Variants in AHNAK observed in about 807,000 individuals in gnomAD.
AHNAK encodes the protein AHNAK nucleoprotein, also known as neuroblast differentiation-associated protein AHNAK.
A neutral mutation model predicts 37.8 loss-of-function variants in AHNAK; 23 were observed. That is an observed-to-expected ratio of 0.61 (90% CI 0.44 to 0.86). AHNAK has a LOEUF of 0.86. AHNAK is among the 40% of genes least tolerant of loss of function. The pLI is 0.00. For synonymous variants in AHNAK, 2,481 were observed against 2,636.3 expected (o/e 0.94, Z 1.80); for missense variants, 7,411 against 7,319.4 (o/e 1.01, Z -0.46).
intron 1 of AHNAK, among the ~76,000 whole-genome samples, chr11:62,546,429 G>A (rs957039922): frequency 1.3e-5 from 2 of 152,252 alleles, no homozygotes; most frequent in African/African-American, 4.8e-5. Context: ...AAGCACTTCG[G>A]AGCGATTTTC....
chr11:62,486,469 G>A (rs935553107), intron 5 of AHNAK, among the ~76,000 whole-genome samples: 4 of 141,012 alleles, frequency 2.8e-5, no homozygotes, highest in East Asian at 2.1e-4. Context: ...GCTAAACTCC[G>A]AAACTCTGTC....
chr11:62,496,730 A>G (rs11231119), intron 4 of AHNAK, among the ~76,000 whole-genome samples: 22,636 of 151,788 alleles, frequency 0.15, 4,137 homozygotes, highest in African/African-American at 0.44. Context: ...GGGAGGCGGC[A>G]GTTGCAGTGA....
At chr11:62,475,198 G>A (rs1453072083) in intron 5 of AHNAK, among the ~76,000 whole-genome samples, 2 of 152,142 alleles carry the variant, frequency 1.3e-5, no homozygotes, top group African/African-American at 2.4e-5. Flanking sequence ...AGCTACTCAG[G>A]AGGCTGAAAC....
downstream of AHNAK, among the ~76,000 whole-genome samples, chr11:62,512,524 G>A (rs114730024): frequency 5.9e-3 from 905 of 152,220 alleles, 9 homozygotes; most frequent in African/African-American, 0.021. This position sits in a 1 kb window ranked among gnomAD's most constrained non-coding sequence, Gnocchi z 4.0. Flanking sequence ...CTCTTTATTA[G>A]GTCTCTCTGA....
chr11:62,473,629 GAGCCAAGTTTGTGTCACTGCACTCC>G, intron 5 of AHNAK, among the ~76,000 whole-genome samples: 1 of 151,800 alleles, frequency 6.6e-6, no homozygotes, highest in African/African-American at 2.4e-5. Flanking sequence ...AGCTTGCAGT[GAGCCAAGTTTGTGTCACTGCACTCC>G]AGCCTGGGCG....
At chr11:62,501,515 C>T (rs1939710894) in intron 4 of AHNAK, among the ~76,000 whole-genome samples, 1 of 152,128 alleles carries the variant, frequency 6.6e-6, no homozygotes, top group Non-Finnish European at 1.5e-5. Context: ...TGCAGTGAGC[C>T]GAGATCGCGC....
downstream of AHNAK, among the ~76,000 whole-genome samples, chr11:62,514,315 T>C (rs1055144997): frequency 6.6e-6 from 1 of 151,882 alleles, no homozygotes; most frequent in African/African-American, 2.4e-5. Context: ...GGCTTCAGAG[T>C]TGAGGAAGGA....
chr11:62,436,312 C>T (rs1017900335), intron 5 of AHNAK, among the ~76,000 whole-genome samples: 2 of 152,070 alleles, frequency 1.3e-5, no homozygotes, highest in South Asian at 2.1e-4. Context: ...TCTGATGCTC[C>T]GGGGGAGTAG....
intron 4 of AHNAK, among the ~76,000 whole-genome samples, chr11:62,497,753 G>A (rs1313164816): frequency 6.6e-6 from 1 of 152,168 alleles, no homozygotes; most frequent in African/African-American, 2.4e-5. Context: ...CTGAGGTGAG[G>A]AGTTCAAGAC....
intron 4 of AHNAK, among the ~76,000 whole-genome samples, chr11:62,508,434 C>T (rs1035625875): frequency 6.6e-6 from 1 of 152,148 alleles, no homozygotes; most frequent in East Asian, 1.9e-4. Context: ...GAGCTGAGAA[C>T]GCAGTGTGAG....
rs528468888 is a variant in AHNAK at position 62,468,309 on chromosome 11, T to C, written c.442+23423A>G. Among the ~76,000 whole-genome samples, 294 of 151,112 alleles carry C rather than the reference T, an allele frequency of 1.9e-3. 2 individuals are homozygous for C. Among genetic ancestry groups the C allele is most frequent in the Non-Finnish European group, 3.1e-3 (212 of 67,842 alleles). On this transcript the variant is annotated intron_variant, in intron 5 of 5. Coordinates refer to the AHNAK transcript ENST00000257247. ...GTTGCAGTGAGCTGAGATGGCCCCATTGCACTCCAGCCTGGGTGACAAAGC... is the reference window on the plus strand; with the variant it reads ...GTTGCAGTGAGCTGAGATGGCCCCACTGCACTCCAGCCTGGGTGACAAAGC...
downstream of AHNAK, among the ~76,000 whole-genome samples, chr11:62,512,250 G>C (rs1412830752): frequency 6.6e-6 from 1 of 152,180 alleles, no homozygotes; most frequent in Admixed American, 6.5e-5. This position sits in a 1 kb window ranked among gnomAD's most constrained non-coding sequence, Gnocchi z 4.0. Context: ...CAACACCTGG[G>C]CTCCCGTGCC....
In AHNAK at chr11:62,533,370, G is replaced by C. The variant is rs1372668112; in HGVS notation, c.1047C>G (p.Ile349Met). ...GHKGGKPGLT[I>M]QAPQLEVSVP... ...CACTGACTTCCAGCTGAGGGGCTTG[G>C]ATAGTCAAGCCTGGCTTGCCGCCCT... Residue 349 changes from isoleucine (I) to methionine (M), a missense_variant, in exon 5 of 5, where the codon ATC (isoleucine) becomes ATG (methionine). Physicochemically the swap from Ile to Met is conservative, Grantham distance 10. Coordinates refer to ENST00000378024, the MANE Select transcript of AHNAK (RefSeq NM_001620.3). 6.3e-7 allele frequency: 1 copy of C among 1,579,856 alleles called. No individual in the cohort carries two copies. The highest frequency in any genetic ancestry group is 1.3e-5 in the African/African-American group (1 of 74,294).
Position 62,522,702 on chromosome 11 carries a change from A to G in AHNAK, c.11715T>C (p.Pro3905=), listed in dbSNP as rs1466300961. Residue 3905 remains proline, a synonymous_variant, in exon 5 of 5, where the codon CCT becomes CCC. Transcript: ENST00000378024. The part of the protein sequence containing the change: ...LPKVEGDMQV[P]DLDIKGPKVD... ...CTTTGGGGCCTTTAATATCCAAGTCAGGAACTTGCATGTCACCTTCCACTT... is the reference window on the plus strand; with the variant it reads ...CTTTGGGGCCTTTAATATCCAAGTCGGGAACTTGCATGTCACCTTCCACTT... The G allele has an allele frequency of 6.2e-7, 1 of 1,612,832 alleles. No homozygotes were observed. Among genetic ancestry groups the G allele is most frequent in the Non-Finnish European group, 8.5e-7 (1 of 1,179,802 alleles).
Position 62,519,441 on chromosome 11 carries a change from C to T in AHNAK, c.14976G>A (p.Lys4992=), listed in dbSNP as rs758328204. The T allele has an allele frequency of 8.1e-6, 13 of 1,611,448 alleles. No individual in the cohort carries two copies. Among genetic ancestry groups the T allele is most frequent in the African/African-American group, 1.3e-5 (1 of 74,680 alleles). ...FGAKSPKADI[K]SPSLDVTVPE... ...GAACAGTGACATCCAGTGAAGGTGA[C>T]TTGATGTCAGCTTTGGGGCTTTTTG... is the stretch of plus-strand genomic sequence containing the variant. Residue 4992 remains lysine, a synonymous_variant, in exon 5 of 5, where the codon AAG becomes AAA. Coordinates refer to ENST00000378024, the MANE Select transcript of AHNAK (RefSeq NM_001620.3).
At chr11:62,435,835 A>C (rs189571138) in intron 5 of AHNAK, among the ~76,000 whole-genome samples, 2 of 152,216 alleles carry the variant, frequency 1.3e-5, no homozygotes, top group East Asian at 3.9e-4. Flanking sequence ...GGCTGGCCGC[A>C]CCCAGCCAGT....
At chr11:62,439,665 ATTT>A (rs34334316) in intron 5 of AHNAK, among the ~76,000 whole-genome samples, 6,348 of 83,034 alleles carry the variant, frequency 0.076, 351 homozygotes, top group African/African-American at 0.21. Context: ...TTTTTGTGTG[ATTT>A]TTTTTTTTTT....
chr11:62,511,452 C>T (rs764778418), downstream of AHNAK, among the ~76,000 whole-genome samples: 8 of 151,958 alleles, frequency 5.3e-5, no homozygotes, highest in African/African-American at 1.5e-4. Context: ...GACGGGGTAT[C>T]GCCATGTTGG....
Position 62,533,342 on chromosome 11 carries a change from G to A in AHNAK, c.1075C>T (p.Pro359Ser). Reference sequence around the variant, plus strand: ...TCAAGGCCCTCAATATTGGCAGAGGGCACACTGACTTCCAGCTGAGGGGCT... The same window carrying A: ...TCAAGGCCCTCAATATTGGCAGAGGACACACTGACTTCCAGCTGAGGGGCT... ...IQAPQLEVSVPSANIEGLEGK... is the reference protein window; with the variant it reads ...IQAPQLEVSVSSANIEGLEGK... The change falls in exon 5 of 5, where the codon CCC becomes TCC. Residue 359 changes from proline to serine, a missense_variant. Transcript: ENST00000378024. 4 of 1,557,884 alleles carry A rather than the reference G, an allele frequency of 2.6e-6. No homozygotes were observed. In the South Asian group the frequency reaches 5.0e-5, roughly 19 times the overall value.
Sources: allele counts gnomAD v4.1 joint callset (sites outside exome capture counted in the v4.1 genomes callset), GRCh38; gene constraint gnomAD v4.1.1; non-coding constraint Gnocchi (gnomAD v3.1); transcripts MANE v1.5; gene names NCBI Gene and HGNC (gene_info 2026-07-23, HGNC 2026-07-21).